ENOX1: variants seen among roughly 807,000 people sequenced by gnomAD.
The protein encoded by ENOX1 is ecto-NOX disulfide-thiol exchanger 1.
Under a neutral mutation model 82.5 loss-of-function variants are expected in ENOX1, and 42 were observed. That is an observed-to-expected ratio of 0.51 (90% CI 0.40 to 0.66). ENOX1 has a LOEUF of 0.66. Among genes scored for constraint, ENOX1 ranks in the 30% least tolerant of loss-of-function variants. ENOX1 has a pLI of 0.00. For missense variants in ENOX1, 608 were observed against 811.6 expected, an observed-to-expected ratio of 0.75 and a Z score of 3.05; for synonymous variants, 271 against 282.2, an observed-to-expected ratio of 0.96 and a Z score of 0.40.
rs74527813 is a variant in ENOX1, at chr13:43,633,499, T to C, written c.-219+33980A>G. ...ATTGGGATCCACAAATAAGTCCACG[T>C]GTAGGGGAATGATAAAAGTAAATTA... is the stretch of plus-strand genomic sequence containing the variant. On this transcript the variant is annotated intron_variant, in intron 2 of 16. Transcript: ENST00000690772. 6.6e-3 allele frequency among the ~76,000 whole-genome samples: 1,000 copies of C among 152,166 alleles called. 7 individuals carry two copies. Among genetic ancestry groups the C allele is most frequent in the African/African-American group, 0.023 (967 of 41,516 alleles).
intron 4 of ENOX1, among the ~76,000 whole-genome samples, chr13:43,412,456 C>T (rs1594421428): frequency 6.6e-6 from 1 of 152,144 alleles, no homozygotes; most frequent in African/African-American, 2.4e-5. Context: ...GGCCTTCTAT[C>T]TAATAAGAAA....
At chr13:43,533,207 T>C (rs2078306411) in intron 2 of ENOX1, among the ~76,000 whole-genome samples, 1 of 152,110 alleles carries the variant, frequency 6.6e-6, no homozygotes, top group South Asian at 2.1e-4. Context: ...CCACAGTTCA[T>C]GGTCATCATA....
chr13:43,473,415 G>A (rs1214027655), intron 3 of ENOX1, among the ~76,000 whole-genome samples: 3 of 152,122 alleles, frequency 2.0e-5, no homozygotes, highest in Admixed American at 2.0e-4. Context: ...TGATGGCATT[G>A]TTCGGTAACT....
intron 1 of ENOX1, among the ~76,000 whole-genome samples, chr13:43,674,246 AC>A (rs747729018): frequency 3.5e-4 from 54 of 152,274 alleles, no homozygotes; most frequent in Non-Finnish European, 6.3e-4. Flanking sequence ...ACAAGACAAG[AC>A]TCTCACTCCC....
At chr13:43,751,425 G>C (rs1209501548) in intron 1 of ENOX1, among the ~76,000 whole-genome samples, 3 of 152,106 alleles carry the variant, frequency 2.0e-5, no homozygotes, top group African/African-American at 7.2e-5. Context: ...GTACAATTTC[G>C]TAAGTTTGAA....
chr13:43,711,929 G>C (rs1231607156), intron 1 of ENOX1, among the ~76,000 whole-genome samples: 1 of 143,742 alleles, frequency 7.0e-6, no homozygotes, highest in South Asian at 2.4e-4. Flanking sequence ...AGTTTAATTA[G>C]ATCCCATTTG....
At chr13:43,526,694 G>A (rs556100741) in intron 2 of ENOX1, among the ~76,000 whole-genome samples, 5 of 152,074 alleles carry the variant, frequency 3.3e-5, no homozygotes, top group Non-Finnish European at 7.4e-5. Flanking sequence ...AGGTCCTAAA[G>A]TGGAAAGCTA....
intron 2 of ENOX1, among the ~76,000 whole-genome samples, chr13:43,666,685 GTGGTGCTT>G (rs2084996585): frequency 6.6e-6 from 1 of 152,194 alleles, no homozygotes; most frequent in Non-Finnish European, 1.5e-5. Flanking sequence ...CAGCCAGTTT[GTGGTGCTT>G]TGTTAAGGCA....
intron 3 of ENOX1, among the ~76,000 whole-genome samples, chr13:43,470,583 T>TATACCTA (rs1235841130): frequency 3.3e-5 from 5 of 150,534 alleles, no homozygotes; most frequent in African/African-American, 1.2e-4. Flanking sequence ...ACTTGCAAAA[T>TATACCTA]ATACCTAATA....
chr13:43,228,769 G>T (rs1318469401), intron 15 of ENOX1, among the ~76,000 whole-genome samples: 1 of 152,212 alleles, frequency 6.6e-6, no homozygotes, highest in Non-Finnish European at 1.5e-5. Flanking sequence ...TAGGCAAGGG[G>T]CTGGTCCTGT....
intron 1 of ENOX1, among the ~76,000 whole-genome samples, chr13:43,740,945 C>T (rs1406201504): frequency 6.6e-6 from 1 of 152,174 alleles, no homozygotes; most frequent in Non-Finnish European, 1.5e-5. Context: ...CTGCTATAAA[C>T]ATTTGTGTAC....
chr13:43,238,175 G>T lies in ENOX1; in HGVS notation c.1612-1437C>A, dbSNP rs78041814. On this transcript the variant is annotated intron_variant, in intron 14 of 16. Transcript: ENST00000690772. ...AGGAGTCAGAAAGAGTTTGGGGAGTGGTCTAAGCTAAGTCTGGAGCCAGCT... is the reference window on the plus strand; with the variant it reads ...AGGAGTCAGAAAGAGTTTGGGGAGTTGTCTAAGCTAAGTCTGGAGCCAGCT... Among the ~76,000 whole-genome samples the T allele has an allele frequency of 8.7e-3, 1,323 of 152,216 alleles. 15 individuals carry two copies. The highest frequency in any genetic ancestry group is 0.025 in the African/African-American group (1,038 of 41,534).
intron 1 of ENOX1, among the ~76,000 whole-genome samples, chr13:43,717,284 A>C (rs2088212275): frequency 6.6e-6 from 1 of 152,186 alleles, no homozygotes; most frequent in Non-Finnish European, 1.5e-5. Context: ...AAAAATATGC[A>C]ATGGGGAAAG....
chr13:43,466,701 A>AG (rs1167447575), intron 3 of ENOX1, among the ~76,000 whole-genome samples: 7 of 152,202 alleles, frequency 4.6e-5, no homozygotes, highest in African/African-American at 1.4e-4. Context: ...AATGCTTTCT[A>AG]GTACATTCAC....
intron 1 of ENOX1, among the ~76,000 whole-genome samples, chr13:43,753,984 C>G (rs139674180): frequency 1.2e-3 from 5 of 4,076 alleles, no homozygotes; most frequent in Non-Finnish European, 1.4e-3. Context: ...TTCTACGTAT[C>G]TACGTGTGTG....
chr13:43,617,955 T>C (rs1566646599), intron 2 of ENOX1, among the ~76,000 whole-genome samples: 1 of 152,240 alleles, frequency 6.6e-6, no homozygotes, highest in Non-Finnish European at 1.5e-5. Context: ...TATCCCATTG[T>C]GGTTTTGATT....
At chr13:43,749,387 T>C (rs990843232) in intron 1 of ENOX1, among the ~76,000 whole-genome samples, 4 of 152,238 alleles carry the variant, frequency 2.6e-5, no homozygotes, top group African/African-American at 9.6e-5. Flanking sequence ...AATGCTTATT[T>C]TATGGCAACA....
intron 8 of ENOX1, among the ~76,000 whole-genome samples, chr13:43,346,932 T>C (rs982923999): frequency 3.9e-5 from 6 of 152,194 alleles, no homozygotes. Context: ...TCATGTACTA[T>C]TTTTCCCCTT....
At chr13:43,755,627 T>C (rs1350392077) in intron 1 of ENOX1, among the ~76,000 whole-genome samples, 2 of 152,204 alleles carry the variant, frequency 1.3e-5, no homozygotes, top group Non-Finnish European at 2.9e-5. Flanking sequence ...ACTAAAATCA[T>C]CATTAAATCT....
Sources: gnomAD v4.1 joint callset for allele counts (sites outside exome capture counted in the v4.1 genomes callset) on GRCh38, gnomAD v4.1.1 for gene constraint, MANE v1.5 for transcripts, NCBI Gene and HGNC (gene_info 2026-07-23, HGNC 2026-07-21) for gene names.